CNBD1: variants seen among roughly 807,000 people sequenced by gnomAD.
The protein encoded by CNBD1 is cyclic nucleotide-binding domain-containing protein 1.
A neutral mutation model predicts 54.4 loss-of-function variants in CNBD1; 71 were observed. The observed-to-expected ratio is 1.30, with a 90% confidence interval of 1.08 to 1.59. CNBD1 has a LOEUF of 1.59. CNBD1 is among the 40% of genes most tolerant of loss of function. The pLI, the probability that CNBD1 is intolerant of heterozygous loss-of-function variation, is 0.00. For synonymous variants in CNBD1, 182 were observed against 170.7 expected (o/e 1.07, Z -0.51); for missense variants, 659 against 518.0 (o/e 1.27, Z -2.64).
At chr8:87,262,014 C>G (rs534675302) in intron 6 of CNBD1, among the ~76,000 whole-genome samples, 5 of 151,222 alleles carry the variant, frequency 3.3e-5, no homozygotes, top group Non-Finnish European at 1.5e-5. Context: ...ATTAGCCTGA[C>G]GTGGTGGTGC....
At chr8:87,351,590 A>T in intron 8 of CNBD1, 95 bp from the exon 9 acceptor site, 1 of 1,148,242 alleles carries the variant, frequency 8.7e-7, no homozygotes, top group Non-Finnish European at 1.2e-6. Flanking sequence ...ATTAATAGTT[A>T]TTGAATTAAA....
chr8:86,897,702 C>T (rs867276835), intron 2 of CNBD1, among the ~76,000 whole-genome samples: 6 of 152,248 alleles, frequency 3.9e-5, no homozygotes, highest in South Asian at 2.1e-4. Flanking sequence ...CTACTACCTG[C>T]GCCTTCTATT....
intron 8 of CNBD1, among the ~76,000 whole-genome samples, chr8:87,292,972 C>T (rs566378349): frequency 6.6e-6 from 1 of 152,210 alleles, no homozygotes; most frequent in South Asian, 2.1e-4. Context: ...TATGGCCCTA[C>T]TAGAGCTTCC....
intron 3 of CNBD1, among the ~76,000 whole-genome samples, chr8:86,937,767 G>A (rs1312276436): frequency 6.6e-6 from 1 of 151,952 alleles, no homozygotes; most frequent in Non-Finnish European, 1.5e-5. Context: ...GCTTGTGATG[G>A]TGGGGGCTGC....
intron 8 of CNBD1, among the ~76,000 whole-genome samples, chr8:87,302,505 A>G (rs1241777505): frequency 2.0e-5 from 3 of 151,956 alleles, no homozygotes; most frequent in Admixed American, 6.6e-5. Flanking sequence ...AATAAGAGCT[A>G]TTTATGACAA....
chr8:86,905,997 T>C (rs1425223002), intron 3 of CNBD1, among the ~76,000 whole-genome samples: 1 of 152,216 alleles, frequency 6.6e-6, no homozygotes, highest in Non-Finnish European at 1.5e-5. Context: ...ATAACTTCTA[T>C]TGCCATATCT....
intron 4 of CNBD1, among the ~76,000 whole-genome samples, chr8:87,024,064 C>T (rs1042555588): frequency 6.6e-6 from 1 of 151,098 alleles, no homozygotes; most frequent in African/African-American, 2.4e-5. Context: ...GGTGAAACCC[C>T]GTCTCTACTA....
chr8:87,310,249 G>A (rs1347423614), intron 8 of CNBD1, among the ~76,000 whole-genome samples: 2 of 152,060 alleles, frequency 1.3e-5, no homozygotes, highest in Non-Finnish European at 2.9e-5. Flanking sequence ...CCAGCACTCA[G>A]GAAGCTGAGG....
chr8:86,971,263 A>G (rs1365071719), intron 4 of CNBD1, among the ~76,000 whole-genome samples: 1 of 152,174 alleles, frequency 6.6e-6, no homozygotes, highest in Non-Finnish European at 1.5e-5. Flanking sequence ...GTAAGGGGCC[A>G]GGGAGTGGAC....
rs1388145955 is a variant in CNBD1 at position 87,286,588 on chromosome 8, G to A, written c.959G>A (p.Cys320Tyr). 1 of 1,478,308 alleles carries A rather than the reference G, an allele frequency of 6.8e-7. No individual in the cohort carries two copies. The highest frequency in any genetic ancestry group is 2.0e-5 in the Admixed American group (1 of 51,182). 91.6% of individuals were successfully genotyped at this position (1,478,308 alleles called of 1,614,324 possible). ...CAAAAGTTGAAATTAATCCGTATGT[G>A]TCCTTATTATGAGGAATGGCCTACT... The part of the protein sequence containing the change: ...NMQKLKLIRM[C>Y]PYYEEWPTLS... Residue 320 changes from cysteine (C) to tyrosine (Y), a missense_variant, in exon 8 of 11, where the codon TGT (cysteine) becomes TAT (tyrosine). Coordinates refer to ENST00000518476, the MANE Select transcript of CNBD1 (RefSeq NM_173538.3).
intron 8 of CNBD1, among the ~76,000 whole-genome samples, chr8:87,319,242 C>A (rs1029008291): frequency 1.3e-5 from 2 of 151,930 alleles, no homozygotes; most frequent in Non-Finnish European, 2.9e-5. Flanking sequence ...CAGGAGGAAG[C>A]AAGGAAGGGG....
chr8:86,957,726 CTTTA>C (rs2130461733), intron 4 of CNBD1, among the ~76,000 whole-genome samples: 1 of 152,126 alleles, frequency 6.6e-6, no homozygotes, highest in South Asian at 2.1e-4. Flanking sequence ...CTCTTTTCTT[CTTTA>C]TTAGTTTTTC....
chr8:87,158,464 C>T (rs895516953), intron 4 of CNBD1, among the ~76,000 whole-genome samples: 6 of 152,136 alleles, frequency 3.9e-5, no homozygotes, highest in African/African-American at 1.4e-4. Context: ...GATTTCTATC[C>T]AAGGAGCTTG....
intron 6 of CNBD1, among the ~76,000 whole-genome samples, chr8:87,281,100 C>T (rs541436419): frequency 6.6e-6 from 1 of 151,574 alleles, no homozygotes; most frequent in Non-Finnish European, 1.5e-5. Context: ...TTATTACCTG[C>T]AGTTTTCGGA....
intron 10 of CNBD1, among the ~76,000 whole-genome samples, chr8:87,368,917 TC>T (rs546945322): frequency 1.3e-5 from 2 of 151,868 alleles, no homozygotes; most frequent in Non-Finnish European, 2.9e-5. Context: ...AGATTCGGCT[TC>T]CCTCCCCTCC....
intron 8 of CNBD1, among the ~76,000 whole-genome samples, chr8:87,322,050 G>A (rs1392772306): frequency 7.3e-5 from 10 of 136,986 alleles, no homozygotes; most frequent in African/African-American, 1.1e-4. Flanking sequence ...GAGAATATGC[G>A]GTGTTTGGTT....
At chr8:87,319,192 T>A (rs542943449) in intron 8 of CNBD1, among the ~76,000 whole-genome samples, 1 of 152,082 alleles carries the variant, frequency 6.6e-6, no homozygotes, top group South Asian at 2.1e-4. Flanking sequence ...AGAATAACAC[T>A]AGTTACCTTC....
chr8:87,000,945 A>G (rs1179393729), intron 4 of CNBD1, among the ~76,000 whole-genome samples: 2 of 151,916 alleles, frequency 1.3e-5, no homozygotes, highest in African/African-American at 2.4e-5. Context: ...GCTGTTTTTT[A>G]TCTATTGTTT....
At chr8:86,948,846 T>A (rs968730938) in intron 4 of CNBD1, among the ~76,000 whole-genome samples, 3 of 152,198 alleles carry the variant, frequency 2.0e-5, no homozygotes, top group African/African-American at 7.2e-5. Context: ...CAAACCAACG[T>A]CCTGGAGTTT....
Sources: allele counts gnomAD v4.1 joint callset (sites outside exome capture counted in the v4.1 genomes callset), GRCh38; gene constraint gnomAD v4.1.1; transcripts MANE v1.5; gene names NCBI Gene and HGNC (gene_info 2026-07-23, HGNC 2026-07-21).